TBC1D9: variants seen among roughly 807,000 people sequenced by gnomAD.
The protein encoded by TBC1D9 is TBC1 domain family member 9A.
A neutral mutation model predicts 132.0 loss-of-function variants in TBC1D9; 63 were observed. The observed-to-expected ratio is 0.48, with a 90% confidence interval of 0.39 to 0.59. The LOEUF (loss-of-function observed/expected upper bound fraction) is 0.59. Ranked by LOEUF, TBC1D9 falls within the 20% of genes least tolerant of loss-of-function variation. The pLI is 0.00. For missense variants in TBC1D9, 1,261 were observed against 1,592.7 expected (o/e 0.79, Z 3.54); for synonymous variants, 610 against 609.9 (o/e 1.00, Z 0.00).
intron 1 of TBC1D9, among the ~76,000 whole-genome samples, chr4:140,725,554 T>C (rs373465529): frequency 2.0e-5 from 3 of 152,120 alleles, no homozygotes; most frequent in Admixed American, 6.6e-5. Flanking sequence ...AAATGTGATA[T>C]AAAGTGCATG....
At chr4:140,657,457 T>G (rs1737291007) in intron 12 of TBC1D9, 70 bp downstream of exon 12, 1 of 1,506,002 alleles carries the variant, frequency 6.6e-7, no homozygotes, top group South Asian at 1.3e-5. Flanking sequence ...CAGTTAAGAC[T>G]CATGAAATGA....
intron 2 of TBC1D9, among the ~76,000 whole-genome samples, chr4:140,699,633 C>A (rs573366392): frequency 6.6e-6 from 1 of 152,162 alleles, no homozygotes; most frequent in South Asian, 2.1e-4. Context: ...ATCATCCAAG[C>A]CCAGGAAAAT....
intron 5 of TBC1D9, 148 bp from the exon 6 acceptor site, chr4:140,677,249 T>A: frequency 1.2e-6 from 1 of 849,204 alleles, no homozygotes; most frequent in Non-Finnish European, 1.8e-6. Context: ...ATATTGAAGT[T>A]AACCCCAACC....
chr4:140,739,394 A>G (rs942519493), intron 1 of TBC1D9, among the ~76,000 whole-genome samples: 5 of 152,156 alleles, frequency 3.3e-5, no homozygotes, highest in Admixed American at 6.6e-5. Context: ...ATAATATCCC[A>G]TTTTAATCCT....
intron 13 of TBC1D9, among the ~76,000 whole-genome samples, chr4:140,649,678 C>T (rs1350378383): frequency 6.6e-6 from 1 of 152,134 alleles, no homozygotes; most frequent in Non-Finnish European, 1.5e-5. Flanking sequence ...CTGTCTGCAC[C>T]TGTGTACTTA....
In TBC1D9 at chr4:140,625,198, A is replaced by T. The variant is rs1203949960; in HGVS notation, c.2900-810T>A. On this transcript the variant is annotated intron_variant, in intron 18 of 20. Transcript: ENST00000442267. ...ATATATGAGACAGATTTTTTTTGCC[A>T]GACCCTGCAAAAGATCCAGAACTCA... Among the ~76,000 whole-genome samples the T allele has an allele frequency of 3.9e-5, 6 of 152,286 alleles. No individual in the cohort carries two copies. In the East Asian group the frequency reaches 1.2e-3, roughly 29 times the overall value.
chr4:140,660,437 C>T (rs1239283935), intron 10 of TBC1D9, among the ~76,000 whole-genome samples: 1 of 152,230 alleles, frequency 6.6e-6, no homozygotes, highest in Non-Finnish European at 1.5e-5. Flanking sequence ...AACTGTTCAT[C>T]AGGCTTCTAC....
intron 1 of TBC1D9, among the ~76,000 whole-genome samples, chr4:140,738,744 G>T (rs1478946738): frequency 2.0e-5 from 3 of 152,150 alleles, no homozygotes; most frequent in Non-Finnish European, 2.9e-5. Context: ...CCAGTCAAAT[G>T]TCCAATGCCC....
At chr4:140,736,777 C>A (rs976305654) in intron 1 of TBC1D9, among the ~76,000 whole-genome samples, 89 of 152,142 alleles carry the variant, frequency 5.8e-4, no homozygotes, top group African/African-American at 2.0e-3. Flanking sequence ...CAGAACTGTA[C>A]AATGATTAGG....
intron 1 of TBC1D9, among the ~76,000 whole-genome samples, chr4:140,709,832 C>T (rs1051051554): frequency 6.6e-6 from 1 of 152,138 alleles, no homozygotes; most frequent in Non-Finnish European, 1.5e-5. Context: ...ATGTGCAGTT[C>T]GCAATAGGGT....
At chr4:140,645,351 G>A in intron 13 of TBC1D9, 1 of 496,296 alleles carries the variant, frequency 2.0e-6, no homozygotes. Context: ...CTATCCTTCT[G>A]CAATGCCCAC....
intron 1 of TBC1D9, among the ~76,000 whole-genome samples, chr4:140,704,351 A>C (rs1315780735): frequency 6.6e-6 from 1 of 151,398 alleles, no homozygotes; most frequent in Admixed American, 6.6e-5. Context: ...CAGTGAGCTG[A>C]GATCATGCCA....
rs187780046 is a variant in TBC1D9, at chr4:140,730,572, C to T, written c.130+25344G>A. ...CAAAACCCCGTCTGTACTAAAAATA[C>T]AAAAATTAGCCAGGTGTGGTGGTGG... On this transcript the variant is annotated intron_variant, in intron 1 of 20. Coordinates refer to ENST00000442267, the MANE Select transcript of TBC1D9 (RefSeq NM_015130.3). Among the ~76,000 whole-genome samples the T allele has an allele frequency of 4.5e-3, 689 of 152,090 alleles. 2 individuals carry two copies. The highest frequency in any genetic ancestry group is 0.016 in the African/African-American group (645 of 41,504).
chr4:140,633,841 T>C, intron 16 of TBC1D9, 107 bp downstream of exon 16: 1 of 1,381,298 alleles, frequency 7.2e-7, no homozygotes, highest in Non-Finnish European at 9.9e-7. Context: ...TTATAATCAG[T>C]TTGCAAACCT....
chr4:140,624,396 G>T lies in TBC1D9; in HGVS notation c.2900-8C>A. On this transcript the variant is annotated splice_polypyrimidine_tract_variant and splice_region_variant and intron_variant, in intron 18 of 20. Coordinates refer to ENST00000442267, the MANE Select transcript of TBC1D9 (RefSeq NM_015130.3). ...TGCTATCCAATCCAACAACTACCAAGAAATGGTTCAGAAGAAAAAAGTAGA... is the reference window on the plus strand; with the variant it reads ...TGCTATCCAATCCAACAACTACCAATAAATGGTTCAGAAGAAAAAAGTAGA... The T allele has an allele frequency of 2.5e-6, 4 of 1,609,692 alleles. No individual in the cohort carries two copies.
intron 1 of TBC1D9, among the ~76,000 whole-genome samples, chr4:140,705,291 T>C (rs1402332549): frequency 6.6e-6 from 1 of 152,224 alleles, no homozygotes; most frequent in East Asian, 1.9e-4. Flanking sequence ...TCATTCCTAC[T>C]CTACTCTTCC....
intron 16 of TBC1D9, 122 bp from the exon 17 acceptor site, chr4:140,628,487 C>T: frequency 2.2e-6 from 2 of 893,922 alleles, no homozygotes; most frequent in South Asian, 1.5e-5. Context: ...TGGTGAAAGG[C>T]CTGGCCAGGA....
intron 2 of TBC1D9, among the ~76,000 whole-genome samples, chr4:140,687,380 A>G (rs1304075085): frequency 0.082 from 6,751 of 82,682 alleles, 1,013 homozygotes; most frequent in African/African-American, 0.25. Context: ...ATATATATAT[A>G]TATATATATA....
In TBC1D9 at chr4:140,622,560, A is replaced by G; in HGVS notation, c.3436T>C (p.Cys1146Arg). The part of the protein sequence containing the change: ...EDSSPRDNGA[C>R]SSMLISDDDT... ...TCGTCAGAGATCAGCATGGAGGAGC[A>G]GGCCCCGTTGTCCCGGGGCGAGGAG... The change falls in exon 21 of 21, where the codon TGC becomes CGC. Residue 1146 changes from cysteine (C) to arginine (R), a missense_variant. Physicochemically the swap from Cys to Arg is radical, Grantham distance 180. Transcript: ENST00000442267. The G allele has an allele frequency of 6.2e-7, 1 of 1,614,036 alleles. No homozygotes were observed. The highest frequency in any genetic ancestry group is 2.2e-5 in the East Asian group (1 of 44,886).
Sources: allele counts gnomAD v4.1 joint callset (sites outside exome capture counted in the v4.1 genomes callset), GRCh38; gene constraint gnomAD v4.1.1; transcripts MANE v1.5; gene names NCBI Gene and HGNC (gene_info 2026-07-23, HGNC 2026-07-21).